Variants in LAMC1 observed in about 807,000 individuals in gnomAD.
LAMC1 encodes laminin subunit gamma 1.
In LAMC1, 38 loss-of-function variants were observed where a neutral mutation model predicts 173.6. The observed-to-expected ratio is 0.22, with a 90% CI of 0.17 to 0.29. The LOEUF is 0.29. Ranked by LOEUF, LAMC1 falls within the 10% of genes least tolerant of loss-of-function variation. The pLI is 1.00. For synonymous variants in LAMC1, 746 were observed against 749.1 expected (o/e 1.00, Z 0.07); for missense variants, 1,824 against 2,051.8 (o/e 0.89, Z 2.14).
In LAMC1 at chr1:183,136,429, G is replaced by A; in HGVS notation, c.4158G>A (p.Glu1386=). ...ACGATAACAAGACGGCCGCAGAGGAGGCACTAAGGAAGATTCCTGCCATCA... is the reference window on the plus strand; with the variant it reads ...ACGATAACAAGACGGCCGCAGAGGAAGCACTAAGGAAGATTCCTGCCATCA... ...RVNDNKTAAE[E]ALRKIPAINQ... The change falls in exon 25 of 28, where the codon GAG becomes GAA. Residue 1386 remains glutamate, a synonymous_variant. Coordinates refer to ENST00000258341, the MANE Select transcript of LAMC1 (RefSeq NM_002293.4). 1.2e-6 allele frequency: 2 copies of A among 1,614,186 alleles called. No homozygotes were observed. Among genetic ancestry groups the A allele is most frequent in the South Asian group, 1.1e-5 (1 of 91,076 alleles).
intron 19 of LAMC1, 131 bp downstream of exon 19, chr1:183,130,680 G>A: frequency 1.4e-6 from 1 of 700,154 alleles, no homozygotes; most frequent in South Asian, 1.9e-5. Context: ...CCCTAAATAT[G>A]GGGCAGAAAA....
chr1:183,067,614 G>C (rs1307642036), intron 1 of LAMC1, among the ~76,000 whole-genome samples: 1 of 151,952 alleles, frequency 6.6e-6, no homozygotes, highest in Non-Finnish European at 1.5e-5. Flanking sequence ...TCAGCCTCCT[G>C]AGTAGCTGGG....
chr1:183,124,310 T>G (rs1656563345), intron 13 of LAMC1, among the ~76,000 whole-genome samples: 1 of 152,272 alleles, frequency 6.6e-6, no homozygotes. Context: ...TGCCATCCTT[T>G]GAGACTGGAG....
chr1:183,036,076 A>G (rs1571400638), intron 1 of LAMC1, among the ~76,000 whole-genome samples: 2 of 146,918 alleles, frequency 1.4e-5, no homozygotes, highest in Admixed American at 6.8e-5. Context: ...CTACCCTCAC[A>G]CTTTGTGCTT....
rs751518199 is a variant in LAMC1, at chr1:183,130,395, C to T, written c.3332C>T (p.Ser1111Phe). ...DRLQRVNNTL[S>F]SQISRLQNIR... ...CTACAGAGAGTGAATAACACTCTGT[C>T]CAGCCAAATTAGCCGTTTACAGAAT... Residue 1111 changes from serine to phenylalanine, a missense_variant, in exon 19 of 28, where the codon TCC becomes TTC. Transcript: ENST00000258341. 2 of 1,614,166 alleles carry T rather than the reference C, an allele frequency of 1.2e-6. No homozygotes were observed. The highest frequency in any genetic ancestry group is 1.1e-5 in the South Asian group (1 of 91,070).
intron 19 of LAMC1, among the ~76,000 whole-genome samples, 185 bp downstream of exon 19, chr1:183,130,734 G>A (rs901342325): frequency 6.6e-6 from 1 of 152,164 alleles, no homozygotes; most frequent in Admixed American, 6.5e-5. Context: ...TTAAAAACTG[G>A]ATAAAAACCA....
intron 1 of LAMC1, among the ~76,000 whole-genome samples, chr1:183,067,681 A>G (rs10797831): frequency 0.5 from 76,172 of 151,734 alleles, 19,757 homozygotes; most frequent in South Asian, 0.64. Flanking sequence ...TAGTAGAGAT[A>G]GGGTTTTACT....
intron 14 of LAMC1, 163 bp from the exon 15 acceptor site, chr1:183,125,234 T>C (rs895308444): frequency 1.6e-5 from 11 of 690,016 alleles, no homozygotes; most frequent in Admixed American, 5.0e-5. Context: ...ATAGCACATC[T>C]CAATTCAGAC....
At chr1:183,090,364 A>G (rs1036350819) in intron 1 of LAMC1, among the ~76,000 whole-genome samples, 1 of 152,244 alleles carries the variant, frequency 6.6e-6, no homozygotes, top group African/African-American at 2.4e-5. Flanking sequence ...AGCACAGCCC[A>G]TGAGAGATGA....
intron 1 of LAMC1, among the ~76,000 whole-genome samples, chr1:183,065,535 A>T (rs966760542): frequency 6.6e-6 from 1 of 152,138 alleles, no homozygotes; most frequent in African/African-American, 2.4e-5. Flanking sequence ...CACCCATATT[A>T]TGGATTTGTT....
At chr1:183,107,680 A>T (rs895076200) in intron 2 of LAMC1, among the ~76,000 whole-genome samples, 2 of 152,100 alleles carry the variant, frequency 1.3e-5, no homozygotes, top group African/African-American at 4.8e-5. Context: ...AATACAAAAA[A>T]TTAGCTGGGC....
chr1:183,112,908 A>T (rs1318065618), intron 4 of LAMC1, among the ~76,000 whole-genome samples: 1 of 152,242 alleles, frequency 6.6e-6, no homozygotes, highest in Admixed American at 6.5e-5. Flanking sequence ...AAAGGGGCTG[A>T]GTATGGTGGC....
chr1:183,141,190 G>A (rs944447438), intron 27 of LAMC1: 6 of 152,158 alleles, frequency 3.9e-5, no homozygotes, highest in African/African-American at 4.8e-5. Context: ...GGTGCTACAC[G>A]CCTGTAGTCC....
rs547367094 is a variant in LAMC1 at position 183,023,685 on chromosome 1, C to T, written c.-32C>T. 1.8e-4 allele frequency: 207 copies of T among 1,163,640 alleles called. 4 individuals carry two copies. The East Asian group carries it at 8.5e-3, about 48-fold the overall frequency. 72.1% of individuals were successfully genotyped at this position (1,163,640 alleles called of 1,614,324 possible). A position where few individuals can be genotyped will look rare whatever the true frequency, so the allele number is the denominator to read the frequency against. On this transcript the variant is annotated 5_prime_UTR_variant, in exon 1 of 28. Coordinates refer to ENST00000258341, the MANE Select transcript of LAMC1 (RefSeq NM_002293.4). The stretch of plus-strand genomic sequence containing the variant: ...CGAGAGGAACGCGCCGGTGCCCTTG[C>T]CTTCGCCGTGACCCAGCGTGCGGGC...
intron 1 of LAMC1, among the ~76,000 whole-genome samples, chr1:183,071,477 AG>A (rs1655010382): frequency 6.6e-6 from 1 of 152,028 alleles, no homozygotes; most frequent in Non-Finnish European, 1.5e-5. Context: ...CATTATTTGG[AG>A]GTTTGATATT....
At chr1:183,024,235 G>T in intron 1 of LAMC1, 101 bp downstream of exon 1, 1 of 1,167,348 alleles carries the variant, frequency 8.6e-7, no homozygotes, top group Non-Finnish European at 1.2e-6. Context: ...AGACGGCCGC[G>T]TGTTTGCTCT....
At chr1:183,113,395 C>A (rs570800001) in intron 4 of LAMC1, among the ~76,000 whole-genome samples, 1 of 110,082 alleles carries the variant, frequency 9.1e-6, no homozygotes, top group Non-Finnish European at 2.1e-5. Flanking sequence ...AAGATGTATT[C>A]GAATATTTTT....
At chr1:183,079,312 T>G (rs1207992857) in intron 1 of LAMC1, among the ~76,000 whole-genome samples, 1 of 137,252 alleles carries the variant, frequency 7.3e-6, no homozygotes, top group Non-Finnish European at 1.5e-5. Flanking sequence ...TGGAGTGCAG[T>G]GGTGTGATCT....
intron 2 of LAMC1, among the ~76,000 whole-genome samples, chr1:183,106,360 T>C (rs1231557562): frequency 6.6e-6 from 1 of 152,002 alleles, no homozygotes; most frequent in Non-Finnish European, 1.5e-5. Flanking sequence ...TGAGTAGGAG[T>C]TGTTATTGGA....
Sources: allele counts gnomAD v4.1 joint callset (sites outside exome capture counted in the v4.1 genomes callset), GRCh38; gene constraint gnomAD v4.1.1; transcripts MANE v1.5; gene names NCBI Gene and HGNC (gene_info 2026-07-23, HGNC 2026-07-21).